PXDNL: variants seen among roughly 807,000 people sequenced by gnomAD.
PXDNL encodes the protein peroxidasin like, also known as probable oxidoreductase PXDNL.
In PXDNL, 145 loss-of-function variants were observed where a neutral mutation model predicts 150.8. That is an observed-to-expected ratio of 0.96 (90% CI 0.84 to 1.10). The LOEUF (loss-of-function observed/expected upper bound fraction) is 1.10. Among genes scored for constraint, PXDNL ranks in the 50% least tolerant of loss-of-function variants. The probability of loss-of-function intolerance (pLI) is 0.00; values close to 1 mark genes in which losing one functional copy is unlikely to be tolerated. For missense variants in PXDNL, 2,087 were observed against 1,873.9 expected (o/e 1.11, Z -2.10); for synonymous variants, 757 against 725.7 (o/e 1.04, Z -0.69).
chr8:51,326,622 G>A (rs1805501030), intron 21 of PXDNL, among the ~76,000 whole-genome samples: 1 of 152,096 alleles, frequency 6.6e-6, no homozygotes, highest in South Asian at 2.1e-4. Context: ...TCAAACTATT[G>A]CAGTTTTAGA....
At chr8:51,555,967 G>GGGCAAC in intron 4 of PXDNL, among the ~76,000 whole-genome samples, 1 of 152,222 alleles carries the variant, frequency 6.6e-6, no homozygotes, top group East Asian at 1.9e-4. Flanking sequence ...CGGTCAGTTT[G>GGGCAAC]AGTTGTAATA....
chr8:51,766,706 T>C (rs1379177591), intron 1 of PXDNL, among the ~76,000 whole-genome samples: 1 of 152,030 alleles, frequency 6.6e-6, no homozygotes, highest in Non-Finnish European at 1.5e-5. Flanking sequence ...CTATTAGTTT[T>C]ATTGAGGATT....
chr8:51,320,097 T>C (rs1268275277), intron 22 of PXDNL, 75 bp from the exon 23 acceptor site: 1 of 1,181,722 alleles, frequency 8.5e-7, no homozygotes, highest in African/African-American at 1.6e-5. Flanking sequence ...AAATGTTTCT[T>C]ATAATACATA....
At chr8:51,455,543 G>A (rs996690341) in intron 9 of PXDNL, among the ~76,000 whole-genome samples, 2 of 152,260 alleles carry the variant, frequency 1.3e-5, no homozygotes, top group Admixed American at 6.5e-5. Flanking sequence ...ATTAGGGCAC[G>A]GGGGACTAGA....
Position 51,371,924 on chromosome 8 carries a change from A to C in PXDNL, c.3850T>G (p.Cys1284Gly), listed in dbSNP as rs768184589. Residue 1284 changes from cysteine (C) to glycine (G), a missense_variant, in exon 19 of 23, where the codon TGC (cysteine) becomes GGC (glycine). Transcript: ENST00000356297. ...AGGTCCACCTTCGGGATCTCGCTGCAGTTCAGGTAATCCTGTGGGTATTCT... is the reference window on the plus strand; with the variant it reads ...AGGTCCACCTTCGGGATCTCGCTGCCGTTCAGGTAATCCTGTGGGTATTCT... Reference protein sequence around the residue: ...KAEYPQDYLNCSEIPKVDLRV... With the variant: ...KAEYPQDYLNGSEIPKVDLRV... 1 of 1,614,008 alleles carries C rather than the reference A, an allele frequency of 6.2e-7. No individual in the cohort carries two copies. Among genetic ancestry groups the C allele is most frequent in the Non-Finnish European group, 8.5e-7 (1 of 1,179,900 alleles).
intron 2 of PXDNL, among the ~76,000 whole-genome samples, chr8:51,650,791 G>A (rs990634985): frequency 6.6e-6 from 1 of 152,162 alleles, no homozygotes; most frequent in Non-Finnish European, 1.5e-5. Flanking sequence ...TTTGGTAAGA[G>A]CAAAGACAAA....
rs1309624471 is a variant in PXDNL, at chr8:51,345,893, C to T, written c.3956G>A (p.Arg1319His). 5.6e-6 allele frequency: 9 copies of T among 1,613,720 alleles called. No homozygotes were observed. Among genetic ancestry groups the T allele is most frequent in the Non-Finnish European group, 7.6e-6 (9 of 1,179,790 alleles). The change falls in exon 20 of 23, where the codon CGC becomes CAC. Residue 1319 changes from arginine to histidine, a missense_variant. Arg to His is a conservative substitution (Grantham distance 29, BLOSUM62 0). Transcript: ENST00000356297. ...AACAGGATAGCTGTATTGAGCTGAG[C>T]GTTTCTTTTGAGACTCTTGCGTCAC... Reference protein sequence around the residue: ...RAVTQESQKKRSAQYSYPVDK... With the variant: ...RAVTQESQKKHSAQYSYPVDK...
intron 1 of PXDNL, among the ~76,000 whole-genome samples, chr8:51,775,321 T>C (rs2129244907): frequency 6.6e-6 from 1 of 152,318 alleles, no homozygotes; most frequent in Middle Eastern, 3.4e-3. Flanking sequence ...TAATATTTAT[T>C]AACTTTATCA....
intron 3 of PXDNL, among the ~76,000 whole-genome samples, chr8:51,567,810 A>T (rs1339876509): frequency 1.3e-5 from 2 of 151,766 alleles, no homozygotes; most frequent in East Asian, 1.9e-4. Context: ...TTTACATATA[A>T]CCTATGCACA....
intron 19 of PXDNL, 88 bp from the exon 20 acceptor site, chr8:51,346,035 G>A: frequency 1.3e-6 from 1 of 774,048 alleles, no homozygotes; most frequent in Non-Finnish European, 2.2e-6. Flanking sequence ...GTCAGAGAGG[G>A]CAAGAGTACC....
chr8:51,388,764 G>A (rs1414906001), intron 17 of PXDNL, among the ~76,000 whole-genome samples: 2 of 151,572 alleles, frequency 1.3e-5, no homozygotes, highest in African/African-American at 2.4e-5. Context: ...ATTCTCATCT[G>A]TCTGTACTAC....
intron 19 of PXDNL, among the ~76,000 whole-genome samples, chr8:51,366,055 A>G (rs192757369): frequency 6.6e-6 from 1 of 152,240 alleles, no homozygotes; most frequent in Non-Finnish European, 1.5e-5. Flanking sequence ...CTTGACATTT[A>G]CGATGATGAC....
intron 3 of PXDNL, among the ~76,000 whole-genome samples, chr8:51,578,133 AGAGT>A (rs1432814715): frequency 7.9e-6 from 1 of 126,790 alleles, no homozygotes; most frequent in Non-Finnish European, 1.5e-5. Context: ...AAAGAAAGAA[AGAGT>A]GAGAGAGAGA....
intron 1 of PXDNL, among the ~76,000 whole-genome samples, chr8:51,697,388 C>A (rs1816171031): frequency 6.6e-6 from 1 of 152,030 alleles, no homozygotes; most frequent in Admixed American, 6.6e-5. Context: ...TCAAAAGATT[C>A]ACTGGGTTTA....
chr8:51,446,774 G>T (rs1809685598), intron 12 of PXDNL, among the ~76,000 whole-genome samples: 1 of 151,928 alleles, frequency 6.6e-6, no homozygotes, highest in South Asian at 2.1e-4. Flanking sequence ...ACCTGAAATG[G>T]CATTTTTAAG....
intron 1 of PXDNL, among the ~76,000 whole-genome samples, chr8:51,727,397 A>T (rs1372495287): frequency 6.6e-6 from 1 of 152,264 alleles, no homozygotes; most frequent in Non-Finnish European, 1.5e-5. Flanking sequence ...CAACATAACA[A>T]AAACGAATGA....
At chr8:51,611,877 C>G (rs898811455) in intron 2 of PXDNL, among the ~76,000 whole-genome samples, 3 of 152,158 alleles carry the variant, frequency 2.0e-5, no homozygotes, top group African/African-American at 7.2e-5. Flanking sequence ...AGGAGCGAGG[C>G]CAGGAGCAGC....
intron 14 of PXDNL, among the ~76,000 whole-genome samples, chr8:51,415,350 A>G (rs1808767304): frequency 6.6e-6 from 1 of 152,204 alleles, no homozygotes; most frequent in Non-Finnish European, 1.5e-5. Flanking sequence ...CGGGCTGTAC[A>G]GGAAGGATCA....
intron 4 of PXDNL, among the ~76,000 whole-genome samples, chr8:51,534,175 A>G (rs1259429918): frequency 2.4e-5 from 3 of 125,688 alleles, no homozygotes; most frequent in Admixed American, 7.4e-5. Flanking sequence ...GCTGGGCCAC[A>G]ACCCTGTCTG....
Sources: allele counts gnomAD v4.1 joint callset (sites outside exome capture counted in the v4.1 genomes callset), GRCh38; gene constraint gnomAD v4.1.1; transcripts MANE v1.5; gene names NCBI Gene and HGNC (gene_info 2026-07-23, HGNC 2026-07-21).